The following RXYLT1 variants were observed in gnomAD, a reference collection of about 807,000 sequenced individuals.
RXYLT1 encodes ribitol-5-phosphate xylosyltransferase 1.
Under a neutral mutation model 43.5 loss-of-function variants are expected in RXYLT1, and 41 were observed. That is an observed-to-expected ratio of 0.94 (90% CI 0.73 to 1.22). The LOEUF (loss-of-function observed/expected upper bound fraction) is 1.22, where lower values mean the gene tolerates loss of function less well. RXYLT1 is among the 50% of genes most tolerant of loss of function. The pLI is 0.00. For missense variants in RXYLT1, 514 were observed against 532.0 expected (o/e 0.97, Z 0.33); for synonymous variants, 166 against 194.4 (o/e 0.85, Z 1.21).
chr12:63,794,615 A>C (rs1277879809), intron 3 of RXYLT1, among the ~76,000 whole-genome samples: 1 of 152,104 alleles, frequency 6.6e-6, no homozygotes, highest in African/African-American at 2.4e-5. Context: ...TAAAGTTATT[A>C]ATTTATGTAC....
At position 63,780,161 on chromosome 12, in the gene RXYLT1, C is replaced by T. The variant is rs538993404; in HGVS notation, c.169+32C>T. 39 of 1,431,338 alleles carry T rather than the reference C, an allele frequency of 2.7e-5. No individual in the cohort carries two copies. The East Asian group carries it at 1.0e-3, about 38-fold the overall frequency. 88.7% of individuals were successfully genotyped at this position (1,431,338 alleles called of 1,614,324 possible). On this transcript the variant is annotated intron_variant, in intron 1 of 5. Coordinates refer to ENST00000261234, the MANE Select transcript of RXYLT1 (RefSeq NM_014254.3). ...CTGGGTCGGCGGCTTCCTTCCGGCT[C>T]TGCGCTCCTGGCTGGGGCTGCTGGG...
chr12:63,788,600 C>T (rs1165866435), intron 3 of RXYLT1, among the ~76,000 whole-genome samples: 1 of 152,240 alleles, frequency 6.6e-6, no homozygotes, highest in Non-Finnish European at 1.5e-5. Context: ...TTTTCTCCTG[C>T]AGCTTCCTCA....
Position 63,809,355 on chromosome 12 carries a change from C to T in RXYLT1, c.*263C>T. ...GACATATGTATTGCAATACATCACT[C>T]ACGTGTTTGTGGTGATACTGGTGTA... On this transcript the variant is annotated 3_prime_UTR_variant, in exon 6 of 6. Coordinates refer to ENST00000261234, the MANE Select transcript of RXYLT1 (RefSeq NM_014254.3). 1 of 313,856 alleles carries T rather than the reference C, an allele frequency of 3.2e-6. No individual in the cohort carries two copies. The highest frequency in any genetic ancestry group is 7.8e-5 in the East Asian group (1 of 12,866). The allele number at this position is 313,856 out of a possible 1,614,324, so 19.4% of individuals were successfully genotyped here.
intron 5 of RXYLT1, 129 bp downstream of exon 5, chr12:63,805,533 T>A: frequency 1.1e-6 from 1 of 891,880 alleles, no homozygotes. Flanking sequence ...GAAGATACAT[T>A]AGTAATTAAA....
rs543962305 is a variant in RXYLT1 at position 63,781,519 on chromosome 12, G to A, written c.325+345G>A. Among the ~76,000 whole-genome samples, 38 of 152,316 alleles carry A rather than the reference G, an allele frequency of 2.5e-4. 1 individual carries two copies. The highest frequency in any genetic ancestry group is 8.7e-4 in the African/African-American group (36 of 41,570). On this transcript the variant is annotated intron_variant, in intron 2 of 5. Coordinates refer to ENST00000261234, the MANE Select transcript of RXYLT1 (RefSeq NM_014254.3). ...ACTTGATACACAAGTATAAGATGTGGCCCCTGCCCTTGATGGCCAAACACA... is the reference window on the plus strand; with the variant it reads ...ACTTGATACACAAGTATAAGATGTGACCCCTGCCCTTGATGGCCAAACACA...
At chr12:63,795,201 G>A (rs1898002783) in intron 3 of RXYLT1, among the ~76,000 whole-genome samples, 1 of 151,962 alleles carries the variant, frequency 6.6e-6, no homozygotes, top group Non-Finnish European at 1.5e-5. Flanking sequence ...GATAGCTTGA[G>A]CCTGGGAGGT....
chr12:63,804,974 TA>T (rs1317350653), intron 4 of RXYLT1: 3 of 342,468 alleles, frequency 8.8e-6, no homozygotes, highest in Non-Finnish European at 1.6e-5. Context: ...TAATGCAAGT[TA>T]AAGAATGTCA....
intron 3 of RXYLT1, among the ~76,000 whole-genome samples, chr12:63,799,948 A>G (rs538260688): frequency 5.9e-5 from 9 of 152,328 alleles, no homozygotes; most frequent in Middle Eastern, 3.4e-3. Context: ...TTACTAGGTT[A>G]TCACTGAATC....
In RXYLT1 at chr12:63,809,423, T is replaced by G. The variant is rs1170167420; in HGVS notation, c.*331T>G. 4.5e-6 allele frequency: 1 copy of G among 222,726 alleles called. No individual in the cohort carries two copies. The highest frequency in any genetic ancestry group is 2.4e-5 in the African/African-American group (1 of 42,496). The allele number at this position is 222,726 out of a possible 1,614,324, so 13.8% of individuals were successfully genotyped here. The stretch of plus-strand genomic sequence containing the variant: ...GCCAGTCAAGTAAAAGTACAGCAAT[T>G]ATGTCCTGTACATAATATTTAATAA... On this transcript the variant is annotated 3_prime_UTR_variant, in exon 6 of 6. Transcript: ENST00000261234.
At chr12:63,795,381 G>A (rs1179914064) in intron 3 of RXYLT1, 1 of 152,248 alleles carries the variant, frequency 6.6e-6, no homozygotes, top group Non-Finnish European at 1.5e-5. Context: ...GATTGCTTCA[G>A]CCCAGGAATT....
intron 3 of RXYLT1, among the ~76,000 whole-genome samples, chr12:63,798,481 T>C (rs1362101062): frequency 6.6e-6 from 1 of 152,250 alleles, no homozygotes; most frequent in Non-Finnish European, 1.5e-5. Context: ...CCCAGGTATC[T>C]GAATCAAATG....
chr12:63,785,078 G>T lies in RXYLT1; in HGVS notation c.428+6G>T, dbSNP rs767047765. ...GTAGGAAGAACACAGTACAGGTATT[G>T]GTTGTATTAGTTGTGCAACATTAAC... On this transcript the variant is annotated splice_donor_region_variant and intron_variant, in intron 3 of 5. Transcript: ENST00000261234. 1.3e-6 allele frequency: 2 copies of T among 1,598,684 alleles called. No homozygotes were observed. The highest frequency in any genetic ancestry group is 1.7e-6 in the Non-Finnish European group (2 of 1,170,470).
Position 63,784,987 on chromosome 12 carries a change from C to G in RXYLT1, c.343C>G (p.His115Asp). The change falls in exon 3 of 6, where the codon CAT becomes GAT. Residue 115 changes from histidine to aspartate, a missense_variant. Physicochemically the swap from His to Asp is moderately conservative, Grantham distance 81. Coordinates refer to ENST00000261234, the MANE Select transcript of RXYLT1 (RefSeq NM_014254.3). ...KAAIGLYLWE[H>D]IFEGLLDPSD... is the part of the protein sequence containing the mutation. ...ATTACCAGGCTTGTATCTCTGGGAG[C>G]ATATTTTTGAAGGCTTACTTGATCC... The G allele has an allele frequency of 6.2e-7, 1 of 1,613,630 alleles. No homozygotes were observed. The highest frequency in any genetic ancestry group is 8.5e-7 in the Non-Finnish European group (1 of 1,179,666).
At chr12:63,784,249 G>A (rs540501604) in intron 2 of RXYLT1, among the ~76,000 whole-genome samples, 2 of 152,252 alleles carry the variant, frequency 1.3e-5, no homozygotes, top group Non-Finnish European at 2.9e-5. Flanking sequence ...GGTGGCTTGC[G>A]TTTCCTTTAG....
intron 5 of RXYLT1, 127 bp downstream of exon 5, chr12:63,805,531 A>C (rs975901946): frequency 1.1e-6 from 1 of 902,958 alleles, no homozygotes; most frequent in Non-Finnish European, 1.6e-6. Flanking sequence ...CAGAAGATAC[A>C]TTAGTAATTA....
Position 63,781,143 on chromosome 12 carries a change from C to T in RXYLT1, c.294C>T (p.Leu98=), listed in dbSNP as rs114694892. The T allele has an allele frequency of 3.2e-4, 517 of 1,601,724 alleles. No homozygotes were observed. The African/African-American group carries it at 6.4e-3, about 20-fold the overall frequency. The change falls in exon 2 of 6, where the codon CTC becomes CTT. Residue 98 remains leucine, a synonymous_variant. Coordinates refer to ENST00000261234, the MANE Select transcript of RXYLT1 (RefSeq NM_014254.3). ...LDKSTKGKTD[L]SVQIWGKAAI... is the part of the protein sequence containing the mutation. ...AATCCACGAAAGGAAAAACAGATCT[C>T]AGTGTACAAATCTGGGGCAAAGCTG...
In RXYLT1 at chr12:63,808,779, G is replaced by T. The variant is rs768721082; in HGVS notation, c.1019G>T (p.Arg340Leu). Residue 340 changes from arginine to leucine, a missense_variant, in exon 6 of 6, where the codon CGA becomes CTA. Arg to Leu is a moderately radical substitution (Grantham distance 102). Transcript: ENST00000261234. ...GTCGGAGTAAACACAGAATGCTATC[G>T]AATCTATGAGGCTTGCTCCTATGGC... ...CPVGVNTECYRIYEACSYGSI... is the reference protein window; with the variant it reads ...CPVGVNTECYLIYEACSYGSI... 3.7e-6 allele frequency: 6 copies of T among 1,613,232 alleles called. No homozygotes were observed. Among genetic ancestry groups the T allele is most frequent in the Non-Finnish European group, 5.1e-6 (6 of 1,179,902 alleles).
rs1898183428 is a variant in RXYLT1, at chr12:63,802,404, A to G, written c.742A>G (p.Thr248Ala). The G allele has an allele frequency of 6.4e-7, 1 of 1,560,300 alleles. No homozygotes were observed. The highest frequency in any genetic ancestry group is 8.7e-7 in the Non-Finnish European group (1 of 1,152,592). The part of the protein sequence containing the change: ...DVFQWPLGVA[T>A]YRNFPVVEAS... ...TTTTCAGTGGCCTTTAGGAGTAGCA[A>G]CGTAAGTACAAAATATGATTAAACA... Residue 248 changes from threonine (T) to alanine (A), a missense_variant and splice_region_variant, in exon 4 of 6, where the codon ACA (threonine) becomes GCA (alanine). Physicochemically the swap from Thr to Ala is moderately conservative, Grantham distance 58. Transcript: ENST00000261234.
intron 4 of RXYLT1, chr12:63,803,607 C>G (rs944285219): frequency 1.3e-5 from 2 of 152,124 alleles, no homozygotes; most frequent in African/African-American, 4.8e-5. Context: ...CACCCTAACT[C>G]AGTAGGTTTG....
Sources: allele counts gnomAD v4.1 joint callset (sites outside exome capture counted in the v4.1 genomes callset), GRCh38; gene constraint gnomAD v4.1.1; transcripts MANE v1.5; gene names NCBI Gene and HGNC (gene_info 2026-07-23, HGNC 2026-07-21).